Variants in CAST observed in about 807,000 individuals in gnomAD.
CAST encodes calpastatin, also known as MIR583 host.
In CAST, 76 loss-of-function variants were observed where a neutral mutation model predicts 119.6. That is an observed-to-expected ratio of 0.64 (90% CI 0.53 to 0.77). The LOEUF (loss-of-function observed/expected upper bound fraction) is 0.77, where lower values mean the gene tolerates loss of function less well. CAST is among the 30% of genes least tolerant of loss of function. CAST has a pLI of 0.00. For synonymous variants in CAST, 319 were observed against 331.6 expected, an observed-to-expected ratio of 0.96 and a Z score of 0.41; for missense variants, 953 against 946.5, an observed-to-expected ratio of 1.01 and a Z score of -0.09.
chr5:96,644,087 A>G (rs1747989079), intron 1 of CAST, among the ~76,000 whole-genome samples: 1 of 152,086 alleles, frequency 6.6e-6, no homozygotes, highest in Non-Finnish European at 1.5e-5. Flanking sequence ...TTTTGAGGTG[A>G]TGAAAAGGTT....
chr5:96,570,234 C>G (rs1746545714), intron 1 of CAST, among the ~76,000 whole-genome samples: 1 of 152,132 alleles, frequency 6.6e-6, no homozygotes, highest in African/African-American at 2.4e-5. Context: ...GCAGAGTAGG[C>G]ACTCAAAAAG....
the CAST span, among the ~76,000 whole-genome samples, chr5:96,269,144 A>C: frequency 1.3e-5 from 2 of 152,200 alleles, no homozygotes; most frequent in Non-Finnish European, 2.9e-5. Context: ...AGCCAGTCTC[A>C]GGTAGTTCTT....
chr5:96,530,069 ACTAT>A (rs1428489060), intron 1 of CAST, among the ~76,000 whole-genome samples: 1 of 152,218 alleles, frequency 6.6e-6, no homozygotes, highest in Non-Finnish European at 1.5e-5. Context: ...AGTGGACCTC[ACTAT>A]CTAATAAGAA....
In CAST at chr5:96,737,866, T is replaced by G. The variant is rs1288509792; in HGVS notation, c.717T>G (p.Ala239=). 1 of 1,594,374 alleles carries G rather than the reference T, an allele frequency of 6.3e-7. No individual in the cohort carries two copies. Residue 239 remains alanine (A), a synonymous_variant, in exon 11 of 32, where the codon GCT becomes GCG. Coordinates refer to ENST00000675179, the MANE Select transcript of CAST (RefSeq NM_001750.7). The part of the protein sequence containing the change: ...KPSGKSGMDA[A]LDDLIDTLGG... ...TTTTCCAGTCAGGCATGGATGCTGC[T>G]TTGGATGACTTAATAGATACTTTAG...
At chr5:96,238,114 A>T in the CAST span, among the ~76,000 whole-genome samples, 1 of 152,106 alleles carries the variant, frequency 6.6e-6, no homozygotes, top group African/African-American at 2.4e-5. Context: ...AATAAAGAAC[A>T]CTCATAATTT....
At chr5:96,182,115 T>C in the CAST span, among the ~76,000 whole-genome samples, 25 of 152,344 alleles carry the variant, frequency 1.6e-4, no homozygotes, top group Non-Finnish European at 3.1e-4. Context: ...GTCTTAATAT[T>C]TATCTTGAAA....
intron 2 of CAST, 78 bp from the exon 3 acceptor site, chr5:96,695,758 T>C: frequency 2.3e-6 from 2 of 853,382 alleles, no homozygotes; most frequent in South Asian, 3.1e-5. Flanking sequence ...AAAATATTTG[T>C]ATTGATATGT....
chr5:96,643,630 T>G (rs552934909), intron 1 of CAST, among the ~76,000 whole-genome samples: 1 of 152,178 alleles, frequency 6.6e-6, no homozygotes, highest in South Asian at 2.1e-4. Flanking sequence ...ATCCCAGCAC[T>G]TTGGGAGGCC....
At position 96,624,064 on chromosome 5, in the gene CAST, A is replaced by G. The variant is rs374556732; in HGVS notation, c.61-51475A>G. Among the ~76,000 whole-genome samples, 85 of 152,334 alleles carry G rather than the reference A, an allele frequency of 5.6e-4. No homozygotes were observed. The South Asian group carries it at 0.018, about 32-fold the overall frequency. On this transcript the variant is annotated intron_variant, in intron 1 of 11. Coordinates refer to the CAST transcript ENST00000505143. ...TTGGCCAGATCTAAGTAGCACTCAA[A>G]GTGTTCTGCACATCTTTCTAGATTA...
At chr5:96,411,984 T>C in the CAST span, among the ~76,000 whole-genome samples, 1 of 152,180 alleles carries the variant, frequency 6.6e-6, no homozygotes, top group East Asian at 1.9e-4. Flanking sequence ...TTTCACTGTC[T>C]AAACTAGGTT....
the CAST span, among the ~76,000 whole-genome samples, chr5:96,330,957 C>T: frequency 2.0e-5 from 3 of 152,080 alleles, no homozygotes; most frequent in Middle Eastern, 3.4e-3. Flanking sequence ...GGATCCATGC[C>T]ACTGCATATC....
intron 21 of CAST, 53 bp downstream of exon 21, chr5:96,754,214 C>T: frequency 9.5e-7 from 1 of 1,052,276 alleles, no homozygotes; most frequent in South Asian, 1.3e-5. Flanking sequence ...TCACCTTCTC[C>T]CCCTGCAAAT....
the CAST span, among the ~76,000 whole-genome samples, chr5:95,981,700 C>A: frequency 3.9e-5 from 6 of 152,044 alleles, no homozygotes; most frequent in Non-Finnish European, 7.4e-5. Flanking sequence ...ATAGTGAAAC[C>A]CCATCTCTAC....
intron 1 of CAST, among the ~76,000 whole-genome samples, chr5:96,669,431 T>C (rs1749778600): frequency 6.6e-6 from 1 of 152,162 alleles, no homozygotes; most frequent in African/African-American, 2.4e-5. Flanking sequence ...AACATGGTCA[T>C]TCAATCAAGA....
At chr5:96,397,571 T>C in the CAST span, 1 of 1,089,924 alleles carries the variant, frequency 9.2e-7, no homozygotes, top group East Asian at 2.4e-5. Flanking sequence ...AGATGAGTTC[T>C]CCTAATTTTC....
At chr5:96,348,801 G>T in the CAST span, among the ~76,000 whole-genome samples, 7 of 152,102 alleles carry the variant, frequency 4.6e-5, no homozygotes, top group Non-Finnish European at 8.8e-5. Flanking sequence ...AAAAATATTT[G>T]TCTGGAACAT....
the CAST span, among the ~76,000 whole-genome samples, chr5:96,135,987 G>A: frequency 2.0e-5 from 3 of 150,360 alleles, no homozygotes; most frequent in African/African-American, 7.4e-5. Context: ...CTTGAACCTG[G>A]GAGGCGGAGG....
At chr5:95,991,503 T>TG in the CAST span, among the ~76,000 whole-genome samples, 3 of 141,956 alleles carry the variant, frequency 2.1e-5, no homozygotes, top group Non-Finnish European at 3.1e-5. Flanking sequence ...TTTTGTTTTT[T>TG]TTTTTTTTTT....
the CAST span, among the ~76,000 whole-genome samples, chr5:96,028,624 G>C: frequency 3.3e-5 from 5 of 151,946 alleles, no homozygotes; most frequent in African/African-American, 1.2e-4. Flanking sequence ...TAATGTAAGA[G>C]ATGAGGAAAT....
Sources: gnomAD v4.1 joint callset for allele counts (sites outside exome capture counted in the v4.1 genomes callset) on GRCh38, gnomAD v4.1.1 for gene constraint, MANE v1.5 for transcripts, NCBI Gene and HGNC (gene_info 2026-07-23, HGNC 2026-07-21) for gene names.